Variants in NR6A1 observed in about 807,000 individuals in gnomAD.
NR6A1 encodes retinoic acid receptor-related testis-associated receptor.
A neutral mutation model predicts 59.1 loss-of-function variants in NR6A1; 7 were observed. That is an observed-to-expected ratio of 0.12 (90% CI 0.07 to 0.22). The LOEUF is 0.22. Among genes scored for constraint, NR6A1 ranks in the 10% least tolerant of loss-of-function variants. The pLI, the probability that NR6A1 is intolerant of heterozygous loss-of-function variation, is 1.00. For synonymous variants in NR6A1, 243 were observed against 236.1 expected (o/e 1.03, Z -0.27); for missense variants, 468 against 611.6 (o/e 0.77, Z 2.48).
intron 2 of NR6A1, among the ~76,000 whole-genome samples, chr9:124,636,879 C>T (rs928169685): frequency 1.3e-5 from 2 of 152,070 alleles, no homozygotes; most frequent in South Asian, 2.1e-4. Context: ...ATATGTACAA[C>T]TCAAATTGAA....
intron 2 of NR6A1, among the ~76,000 whole-genome samples, chr9:124,632,381 C>T (rs1836472137): frequency 6.6e-6 from 1 of 152,128 alleles, no homozygotes; most frequent in Non-Finnish European, 1.5e-5. Context: ...GAGATTGTAT[C>T]TCATTGTGGT....
At chr9:124,608,348 T>C (rs1835634945) in intron 2 of NR6A1, among the ~76,000 whole-genome samples, 1 of 151,986 alleles carries the variant, frequency 6.6e-6, no homozygotes, top group Non-Finnish European at 1.5e-5. Context: ...TGTGTCTGTG[T>C]GTTCACGTTG....
At chr9:124,548,480 A>AT (rs1833669998) in intron 3 of NR6A1, among the ~76,000 whole-genome samples, 2 of 152,234 alleles carry the variant, frequency 1.3e-5, no homozygotes, top group South Asian at 2.1e-4. Flanking sequence ...GTCTCTACAA[A>AT]TTTTTTTGGT....
rs548181152 is a variant in NR6A1, at chr9:124,718,193, T to G, written c.142+15115A>C. On this transcript the variant is annotated intron_variant, in intron 2 of 9. Coordinates refer to ENST00000487099, the MANE Select transcript of NR6A1 (RefSeq NM_033334.4). Reference sequence around the variant, plus strand: ...TTTTTTCCACTGTACCATGCACCCATGCATTTCATTAGGGTCGCTTTCAGC... The same window carrying G: ...TTTTTTCCACTGTACCATGCACCCAGGCATTTCATTAGGGTCGCTTTCAGC... 5.9e-5 allele frequency among the ~76,000 whole-genome samples: 9 copies of G among 152,326 alleles called. No individual in the cohort carries two copies. The South Asian group carries it at 1.7e-3, about 28-fold the overall frequency.
intron 2 of NR6A1, among the ~76,000 whole-genome samples, chr9:124,692,790 T>A (rs192465933): frequency 1.1e-4 from 16 of 152,338 alleles, no homozygotes; most frequent in African/African-American, 3.4e-4. Context: ...TACCTACATG[T>A]CTCCTAGATA....
Position 124,519,901 on chromosome 9 carries a change from CAAAAAAAAAAAAAAA to C in NR6A1, c.*2789_*2803del, listed in dbSNP as rs10639098. On this transcript the variant is annotated 3_prime_UTR_variant, in exon 10 of 10. Coordinates refer to ENST00000487099, the MANE Select transcript of NR6A1 (RefSeq NM_033334.4). The stretch of plus-strand genomic sequence containing the variant: ...TGAGCGACAGAGCGAGACTCCGCCT[CAAAAAAAAAAAAAAA>C]AAAAAAAAAAAAAATCCTCACTCAA... 8.4e-5 allele frequency: 2 copies of C among 23,884 alleles called. No homozygotes were observed. Among genetic ancestry groups the C allele is most frequent in the Admixed American group, 6.4e-4 (1 of 1,564 alleles). 1.5% of individuals were successfully genotyped at this position (23,884 alleles called of 1,614,324 possible).
At chr9:124,636,970 CTCTAGAATCTGGAGGGAGACAGA>C (rs1836626982) in intron 2 of NR6A1, among the ~76,000 whole-genome samples, 1 of 152,146 alleles carries the variant, frequency 6.6e-6, no homozygotes, top group Admixed American at 6.5e-5. Flanking sequence ...GGTCACTTTC[CTCTAGAATCTGGAGGGAGACAGA>C]TCAGGAAATA....
intron 2 of NR6A1, among the ~76,000 whole-genome samples, chr9:124,717,892 G>A (rs1839449620): frequency 6.6e-6 from 1 of 152,124 alleles, no homozygotes; most frequent in African/African-American, 2.4e-5. Flanking sequence ...GAGTAAATGA[G>A]ATAAATGTTT....
In NR6A1 at chr9:124,757,011, G is replaced by T. The variant is rs188573538; in HGVS notation, c.100+14009C>A. Among the ~76,000 whole-genome samples the T allele has an allele frequency of 5.8e-4, 88 of 152,072 alleles. No homozygotes were observed. The East Asian group carries it at 0.016, about 28-fold the overall frequency. ...AAAAAGAAAAAAAAAGGGCGGGTAG[G>T]GGGGGAATGACTCTCTCTCACCCCA... On this transcript the variant is annotated intron_variant, in intron 1 of 9. Coordinates refer to ENST00000487099, the MANE Select transcript of NR6A1 (RefSeq NM_033334.4).
intron 9 of NR6A1, among the ~76,000 whole-genome samples, chr9:124,523,023 C>G (rs1373162154): frequency 6.6e-6 from 1 of 152,144 alleles, no homozygotes; most frequent in Non-Finnish European, 1.5e-5. Context: ...CATTCTACTA[C>G]TCAGGGAATA....
At chr9:124,730,774 G>GC (rs575511040) in intron 2 of NR6A1, among the ~76,000 whole-genome samples, 117 of 152,096 alleles carry the variant, frequency 7.7e-4, no homozygotes, top group African/African-American at 2.7e-3. Context: ...CAGAAAATGG[G>GC]CATTAACCAT....
At chr9:124,592,652 C>T (rs1835161611) in intron 2 of NR6A1, among the ~76,000 whole-genome samples, 2 of 152,160 alleles carry the variant, frequency 1.3e-5, no homozygotes, top group African/African-American at 2.4e-5. Flanking sequence ...ATAAACTAAA[C>T]TTGCTAATTT....
At chr9:124,707,034 C>G (rs1839153586) in intron 2 of NR6A1, among the ~76,000 whole-genome samples, 1 of 152,122 alleles carries the variant, frequency 6.6e-6, no homozygotes, top group Non-Finnish European at 1.5e-5. Context: ...AGGCTTAAAT[C>G]TGTAGATTAA....
chr9:124,637,275 T>A (rs1200534789), intron 2 of NR6A1, among the ~76,000 whole-genome samples: 1 of 151,762 alleles, frequency 6.6e-6, no homozygotes, highest in African/African-American at 2.4e-5. Flanking sequence ...GTAGCTAGAG[T>A]TTAAGTACAT....
intron 2 of NR6A1, among the ~76,000 whole-genome samples, chr9:124,722,424 C>T (rs1462909084): frequency 6.6e-6 from 1 of 152,128 alleles, no homozygotes; most frequent in Non-Finnish European, 1.5e-5. Context: ...CATAGTTTGA[C>T]AACTAGGAAT....
At chr9:124,631,394 A>G (rs1836437156) in intron 2 of NR6A1, among the ~76,000 whole-genome samples, 1 of 152,246 alleles carries the variant, frequency 6.6e-6, no homozygotes, top group African/African-American at 2.4e-5. Flanking sequence ...TTTTTAATCT[A>G]TATACAAAAT....
chr9:124,696,110 T>C (rs1838749890), intron 2 of NR6A1, among the ~76,000 whole-genome samples: 1 of 152,144 alleles, frequency 6.6e-6, no homozygotes, highest in African/African-American at 2.4e-5. Context: ...TCATAAGGAA[T>C]GGCACTGAAA....
At chr9:124,614,254 G>C (rs1039266251) in intron 2 of NR6A1, among the ~76,000 whole-genome samples, 2 of 152,100 alleles carry the variant, frequency 1.3e-5, no homozygotes, top group Admixed American at 1.3e-4. Flanking sequence ...GCTGAGGACT[G>C]ATCAGTGCAC....
chr9:124,731,091 G>C (rs927577465), intron 2 of NR6A1, among the ~76,000 whole-genome samples: 1 of 151,956 alleles, frequency 6.6e-6, no homozygotes, highest in Non-Finnish European at 1.5e-5. Flanking sequence ...AAGGACCATG[G>C]CCAGGTGCAG....
Sources: gnomAD v4.1 joint callset for allele counts (sites outside exome capture counted in the v4.1 genomes callset) on GRCh38, gnomAD v4.1.1 for gene constraint, MANE v1.5 for transcripts, NCBI Gene and HGNC (gene_info 2026-07-23, HGNC 2026-07-21) for gene names.